MARS1: variants seen among roughly 807,000 people sequenced by gnomAD.
MARS1 encodes the protein methionine--tRNA ligase, cytoplasmic.
A neutral mutation model predicts 119.5 loss-of-function variants in MARS1; 80 were observed. The observed-to-expected ratio is 0.67, with a 90% CI of 0.56 to 0.81. The LOEUF is 0.81. MARS1 is among the 30% of genes least tolerant of loss of function. The pLI, the probability that MARS1 is intolerant of heterozygous loss-of-function variation, is 0.00. For synonymous variants in MARS1, 418 were observed against 433.4 expected (o/e 0.96, Z 0.44); for missense variants, 945 against 1,116.5 (o/e 0.85, Z 2.19).
intron 9 of MARS1, among the ~76,000 whole-genome samples, chr12:57,499,284 C>CA (rs35924774): frequency 0.13 from 4,642 of 36,640 alleles, 230 homozygotes; most frequent in East Asian, 0.26. Flanking sequence ...AACTCTGTCT[C>CA]AAAAAAAAAA....
intron 5 of MARS1, 85 bp from the exon 6 acceptor site, chr12:57,490,122 A>G (rs1875818924): frequency 6.6e-7 from 1 of 1,507,406 alleles, no homozygotes; most frequent in Admixed American, 1.8e-5. Context: ...GCAACTGGAG[A>G]AACCTCACAA....
chr12:57,495,178 C>T (rs1594816031), intron 7 of MARS1, among the ~76,000 whole-genome samples: 1 of 150,984 alleles, frequency 6.6e-6, no homozygotes, highest in South Asian at 2.1e-4. Context: ...CGGGGGCTGC[C>T]CCCCACCTCC....
intron 9 of MARS1, 44 bp from the exon 10 acceptor site, chr12:57,500,277 C>G: frequency 6.5e-7 from 1 of 1,550,042 alleles, no homozygotes; most frequent in Non-Finnish European, 8.9e-7. Context: ...GGGTCCACCA[C>G]GTCTTCTGAC....
chr12:57,512,398 A>T, intron 14 of MARS1, 45 bp downstream of exon 14: 1 of 1,355,848 alleles, frequency 7.4e-7, no homozygotes, highest in Non-Finnish European at 1.1e-6. Flanking sequence ...ATAGGAAATG[A>T]GGGGTGAGGC....
At chr12:57,506,149 C>T (rs1478431206) in intron 11 of MARS1, among the ~76,000 whole-genome samples, 1 of 151,422 alleles carries the variant, frequency 6.6e-6, no homozygotes, top group Non-Finnish European at 1.5e-5. Context: ...CCCAGCTACT[C>T]AGGAGGCTGA....
chr12:57,500,482 G>A lies in MARS1; in HGVS notation c.1253G>A (p.Cys418Tyr). The A allele has an allele frequency of 6.2e-7, 1 of 1,614,186 alleles. No homozygotes were observed. The change falls in exon 10 of 21, where the codon TGT becomes TAT. Residue 418 changes from cysteine to tyrosine, a missense_variant. By Grantham distance (194) the Cys-to-Tyr change is radical. Transcript: ENST00000262027. ...CGYEEARGDQ[C>Y]DKCGKLINAV... ...TATGAGGAGGCTCGGGGTGACCAGTGTGACAAGTGTGGCAAGCTCATCAAT... is the reference window on the plus strand; with the variant it reads ...TATGAGGAGGCTCGGGGTGACCAGTATGACAAGTGTGGCAAGCTCATCAAT...
intron 7 of MARS1, among the ~76,000 whole-genome samples, chr12:57,493,580 T>C (rs865804410): frequency 2.9e-4 from 3 of 10,404 alleles, no homozygotes; most frequent in East Asian, 4.1e-3. Flanking sequence ...TAATATATAA[T>C]ATATAATATA....
intron 7 of MARS1, among the ~76,000 whole-genome samples, chr12:57,496,598 G>A (rs1876646135): frequency 6.6e-6 from 1 of 152,026 alleles, no homozygotes; most frequent in Non-Finnish European, 1.5e-5. Context: ...TGTCAACATA[G>A]ACTGCATCTC....
chr12:57,503,233 C>CTT (rs777768874), intron 10 of MARS1, among the ~76,000 whole-genome samples: 5 of 136,096 alleles, frequency 3.7e-5, no homozygotes, highest in East Asian at 2.1e-4. Context: ...GCACTTGTTT[C>CTT]TTTTTTTTTT....
At chr12:57,496,347 G>T (rs1876632536) in intron 7 of MARS1, among the ~76,000 whole-genome samples, 1 of 151,190 alleles carries the variant, frequency 6.6e-6, no homozygotes, top group South Asian at 2.1e-4. Flanking sequence ...TACTTTTTTA[G>T]TAGAGACGGG....
At chr12:57,508,061 TGGGCAGCC>T (rs1877308251) in intron 11 of MARS1, among the ~76,000 whole-genome samples, 1 of 148,866 alleles carries the variant, frequency 6.7e-6, no homozygotes, top group Admixed American at 6.7e-5. Context: ...TCTCAGACGA[TGGGCAGCC>T]GGGCAGAGAC....
chr12:57,515,391 G>T, intron 18 of MARS1, 55 bp downstream of exon 18: 1 of 1,556,280 alleles, frequency 6.4e-7, no homozygotes, highest in South Asian at 1.2e-5. Context: ...TGCAGCTTTT[G>T]GAGTGGGTGA....
chr12:57,489,151 T>G (rs1387388405), intron 2 of MARS1, 42 bp downstream of exon 2: 1 of 1,604,920 alleles, frequency 6.2e-7, no homozygotes, highest in Non-Finnish European at 8.5e-7. Flanking sequence ...CTGAATCAAA[T>G]CAGGCCTCAC....
At chr12:57,499,688 C>G (rs923413944) in intron 9 of MARS1, among the ~76,000 whole-genome samples, 3 of 151,822 alleles carry the variant, frequency 2.0e-5, no homozygotes, top group African/African-American at 7.3e-5. Context: ...ATCACGAGGT[C>G]AGGAGTTCAA....
At chr12:57,490,715 C>T in intron 7 of MARS1, 71 bp downstream of exon 7, 6 of 1,233,254 alleles carry the variant, frequency 4.9e-6, no homozygotes, top group Non-Finnish European at 7.2e-6. Flanking sequence ...CCAGAACCTG[C>T]CTGCTAGGTC....
intron 11 of MARS1, among the ~76,000 whole-genome samples, chr12:57,511,260 C>T (rs938651590): frequency 8.5e-5 from 13 of 152,064 alleles, no homozygotes; most frequent in Non-Finnish European, 4.4e-5. Flanking sequence ...GGATTACAGG[C>T]GCAAGCCACT....
rs771256440 is a variant in MARS1 at position 57,489,350 on chromosome 12, G to A, written c.279+5G>A. 26 of 1,613,966 alleles carry A rather than the reference G, an allele frequency of 1.6e-5. No homozygotes were observed. In the South Asian group the frequency reaches 2.5e-4, roughly 16 times the overall value. ...TGGGAAGCGACAGAGCTGCAGGTAG[G>A]ACTAAGGTATGGGGGATGTCAGGCA... is the stretch of plus-strand genomic sequence containing the variant. On this transcript the variant is annotated splice_donor_5th_base_variant and intron_variant, in intron 3 of 20. Transcript: ENST00000262027.
At chr12:57,496,555 G>T (rs921365871) in intron 7 of MARS1, among the ~76,000 whole-genome samples, 2 of 152,104 alleles carry the variant, frequency 1.3e-5, no homozygotes, top group East Asian at 1.9e-4. Context: ...GAGGCGGGAG[G>T]ATCACTTGAG....
chr12:57,488,120 G>A lies in MARS1; in HGVS notation c.30G>A (p.Pro10=), dbSNP rs751620229. 99 of 1,614,038 alleles carry A rather than the reference G, an allele frequency of 6.1e-5. No individual in the cohort carries two copies. The highest frequency in any genetic ancestry group is 4.9e-5 in the Non-Finnish European group (58 of 1,180,034). The stretch of plus-strand genomic sequence containing the variant: ...GACTGTTCGTGAGTGATGGCGTCCC[G>A]GGTTGCTTGCCGGTGCTGGCCGCCG... MRLFVSDGV[P]GCLPVLAAAG... The change falls in exon 1 of 21, where the codon CCG becomes CCA. Residue 10 remains proline, a synonymous_variant. Transcript: ENST00000262027.
Sources: gnomAD v4.1 joint callset for allele counts (sites outside exome capture counted in the v4.1 genomes callset) on GRCh38, gnomAD v4.1.1 for gene constraint, MANE v1.5 for transcripts, NCBI Gene and HGNC (gene_info 2026-07-23, HGNC 2026-07-21) for gene names.